Variants in DAB1 observed in about 807,000 individuals in gnomAD.
DAB1 encodes DAB adaptor protein 1.
In DAB1, 15 loss-of-function variants were observed where a neutral mutation model predicts 64.6. The ratio of observed to expected loss-of-function variants is 0.23; its 90% CI spans 0.16 to 0.36. The LOEUF (loss-of-function observed/expected upper bound fraction) is 0.36. Ranked by LOEUF, DAB1 falls within the 10% of genes least tolerant of loss-of-function variation. DAB1 has a pLI of 1.00. For synonymous variants in DAB1, 235 were observed against 251.9 expected (o/e 0.93, Z 0.64); for missense variants, 596 against 706.7 (o/e 0.84, Z 1.78).
chr1:57,144,076 A>G (rs1025819115), intron 3 of DAB1, among the ~76,000 whole-genome samples: 4 of 151,844 alleles, frequency 2.6e-5, no homozygotes, highest in Admixed American at 2.0e-4. Flanking sequence ...AAAACCACAA[A>G]AAGAACTTGT....
intron 3 of DAB1, among the ~76,000 whole-genome samples, chr1:57,144,094 A>G (rs1658873418): frequency 6.6e-6 from 1 of 151,882 alleles, no homozygotes; most frequent in Non-Finnish European, 1.5e-5. Context: ...TGTAAATTAT[A>G]CACAAAAATA....
chr1:57,419,565 T>C (rs1169556217), intron 1 of DAB1, among the ~76,000 whole-genome samples: 1 of 151,890 alleles, frequency 6.6e-6, no homozygotes, highest in Non-Finnish European at 1.5e-5. Context: ...CCAGATACTA[T>C]TGGGATACAT....
At chr1:57,581,614 T>C (rs1262474444) in intron 7 of DAB1, among the ~76,000 whole-genome samples, 2 of 151,660 alleles carry the variant, frequency 1.3e-5, no homozygotes. Context: ...ATGAAATCAT[T>C]TATGTGTGAA....
chr1:57,122,079 G>T (rs1194375762), intron 4 of DAB1, among the ~76,000 whole-genome samples: 2 of 152,046 alleles, frequency 1.3e-5, no homozygotes, highest in Admixed American at 1.3e-4. Flanking sequence ...AATATCATCT[G>T]CTTACTTAAT....
chr1:57,949,513 C>G, intron 5 of DAB1, among the ~76,000 whole-genome samples: 2 of 137,714 alleles, frequency 1.5e-5, no homozygotes, highest in Non-Finnish European at 3.2e-5. Flanking sequence ...CTATCTATAT[C>G]TGTCTGTCTG....
At chr1:57,081,883 CAA>C (rs1652589384) in intron 4 of DAB1, among the ~76,000 whole-genome samples, 1 of 151,892 alleles carries the variant, frequency 6.6e-6, no homozygotes, top group Non-Finnish European at 1.5e-5. Context: ...ATTAAAAAAA[CAA>C]GATTTTCAGT....
chr1:57,471,439 G>A (rs1052311681), intron 7 of DAB1, among the ~76,000 whole-genome samples: 4 of 152,168 alleles, frequency 2.6e-5, no homozygotes, highest in African/African-American at 9.7e-5. Flanking sequence ...AATTAGAATT[G>A]TGATGCACAT....
chr1:58,447,987 G>A (rs1355181168), intron 3 of DAB1, among the ~76,000 whole-genome samples: 1 of 151,954 alleles, frequency 6.6e-6, no homozygotes, highest in Non-Finnish European at 1.5e-5. Flanking sequence ...TCCCCCGGGG[G>A]AATGGCATGT....
In DAB1 at chr1:57,116,116, G is replaced by A. The variant is rs1024665044; in HGVS notation, c.306+20427C>T. 3.3e-5 allele frequency among the ~76,000 whole-genome samples: 5 copies of A among 152,086 alleles called. No individual in the cohort carries two copies. The East Asian group carries it at 7.7e-4, about 24-fold the overall frequency. ...CACAGACTGTGTCCAAAAACTGTTG[G>A]GGACACGCTTCTCATCTTGGCATGC... On this transcript the variant is annotated intron_variant, in intron 4 of 14. Transcript: ENST00000371236.
chr1:58,113,876 A>C (rs1274788649), intron 5 of DAB1, among the ~76,000 whole-genome samples: 4 of 152,120 alleles, frequency 2.6e-5, no homozygotes, highest in African/African-American at 9.7e-5. Flanking sequence ...AAGCATTATA[A>C]CTGTTCTTGA....
Position 57,778,260 on chromosome 1 carries a change from T to C in DAB1, n.551+105739A>G, listed in dbSNP as rs147035001. Among the ~76,000 whole-genome samples the C allele has an allele frequency of 1.0e-3, 157 of 152,046 alleles. 1 individual carries two copies. The highest frequency in any genetic ancestry group is 7.3e-3 in the Admixed American group (111 of 15,242). On this transcript the variant is annotated intron_variant and non_coding_transcript_variant, in intron 6 of 20. Transcript: ENST00000485760. ...ATCATATGCATATTTCTGGAGCTTA[T>C]TGTCTGTACACCAATTTCTTCTTTG...
rs182067053 is a variant in DAB1, at chr1:57,493,712, C to T, written n.625+155880G>A. On this transcript the variant is annotated intron_variant and non_coding_transcript_variant, in intron 7 of 20. Coordinates refer to the DAB1 transcript ENST00000485760. ...TATTCAGTGGAAGGAAGGGTGAGAC[C>T]GAAAGATGAAGAAAGAAGAAAAAGA... 1.9e-3 allele frequency among the ~76,000 whole-genome samples: 279 copies of T among 149,404 alleles called. 1 individual carries two copies. Among genetic ancestry groups the T allele is most frequent in the Middle Eastern group, 3.4e-3 (1 of 292 alleles).
chr1:58,236,101 G>GC (rs1234995859), intron 4 of DAB1, among the ~76,000 whole-genome samples: 14 of 32,176 alleles, frequency 4.4e-4, no homozygotes, highest in East Asian at 1.4e-3. Context: ...AGCCCTGCCC[G>GC]CCCCCCCGCC....
intron 1 of DAB1, among the ~76,000 whole-genome samples, chr1:57,384,002 A>G (rs1190017541): frequency 6.6e-6 from 1 of 151,938 alleles, no homozygotes; most frequent in Non-Finnish European, 1.5e-5. Flanking sequence ...CATATATTAT[A>G]AGGGGTTAAT....
chr1:57,829,647 A>C (rs1206699877), intron 1 of DAB1, among the ~76,000 whole-genome samples: 1 of 152,210 alleles, frequency 6.6e-6, no homozygotes, highest in Non-Finnish European at 1.5e-5. Flanking sequence ...ACAATATGGT[A>C]GACAGTCTCT....
intron 3 of DAB1, among the ~76,000 whole-genome samples, chr1:58,453,308 T>C (rs1645159865): frequency 6.6e-6 from 1 of 152,152 alleles, no homozygotes; most frequent in Admixed American, 6.5e-5. Flanking sequence ...GTGATGGTAG[T>C]GTCACTAATC....
At chr1:58,452,767 G>A (rs188585604) in intron 3 of DAB1, among the ~76,000 whole-genome samples, 1 of 151,824 alleles carries the variant, frequency 6.6e-6, no homozygotes, top group Non-Finnish European at 1.5e-5. Flanking sequence ...GGTGGAGGTT[G>A]CGGTGAGCCA....
chr1:57,051,065 CT>C (rs989758809), intron 9 of DAB1, among the ~76,000 whole-genome samples: 9 of 152,136 alleles, frequency 5.9e-5, no homozygotes, highest in Non-Finnish European at 1.3e-4. Flanking sequence ...ACCAAATAAC[CT>C]CTTTTTAATG....
At chr1:57,438,498 C>T (rs1365518638) in intron 7 of DAB1, among the ~76,000 whole-genome samples, 3 of 152,088 alleles carry the variant, frequency 2.0e-5, no homozygotes, top group African/African-American at 7.2e-5. Flanking sequence ...CATCTGGTCA[C>T]TCATATTTGC....
Sources: gnomAD v4.1 joint callset for allele counts (sites outside exome capture counted in the v4.1 genomes callset) on GRCh38, gnomAD v4.1.1 for gene constraint, MANE v1.5 for transcripts, NCBI Gene and HGNC (gene_info 2026-07-23, HGNC 2026-07-21) for gene names.